DLGAP5: variants seen among roughly 807,000 people sequenced by gnomAD.
DLGAP5 encodes disks large-associated protein 5.
In DLGAP5, 90 loss-of-function variants were observed where a neutral mutation model predicts 99.6. The ratio of observed to expected loss-of-function variants is 0.90; its 90% CI spans 0.76 to 1.08. DLGAP5 has a LOEUF of 1.08. Ranked by LOEUF, DLGAP5 falls within the 50% of genes least tolerant of loss-of-function variation. The probability of loss-of-function intolerance (pLI) is 0.00; values close to 1 mark genes in which losing one functional copy is unlikely to be tolerated. For missense variants in DLGAP5, 1,036 were observed against 983.5 expected (o/e 1.05, Z -0.71); for synonymous variants, 311 against 321.3 (o/e 0.97, Z 0.34).
Position 55,151,957 on chromosome 14 carries a change from G to A in DLGAP5, c.2122-16C>T. The A allele has an allele frequency of 6.3e-7, 1 of 1,596,740 alleles. No individual in the cohort carries two copies. Among genetic ancestry groups the A allele is most frequent in the Non-Finnish European group, 8.5e-7 (1 of 1,172,914 alleles). On this transcript the variant is annotated splice_polypyrimidine_tract_variant and intron_variant, in intron 16 of 18. Transcript: ENST00000247191. ...TATTTACAACCTGGAAGTAAAAATG[G>A]CATTATATTTAATTATCAATTTAAT...
At position 55,179,681 on chromosome 14, in the gene DLGAP5, T is replaced by C; in HGVS notation, c.722A>G (p.Lys241Arg). ...RAANENEPEG[K>R]VPSKGRPAKN... ...GGCAGGTCTTCCTTTACTTGGCACC[T>C]TTCCTTCTGGTTCGTTTTCTAAAAC... is the stretch of plus-strand genomic sequence containing the variant. Residue 241 changes from lysine (K) to arginine (R), a missense_variant, in exon 7 of 19, where the codon AAG becomes AGG. Transcript: ENST00000247191. 6.2e-7 allele frequency: 1 copy of C among 1,611,426 alleles called. No individual in the cohort carries two copies. The highest frequency in any genetic ancestry group is 8.5e-7 in the Non-Finnish European group (1 of 1,178,944).
intron 6 of DLGAP5, among the ~76,000 whole-genome samples, chr14:55,180,452 C>T (rs1478225475): frequency 6.6e-6 from 1 of 152,186 alleles, no homozygotes; most frequent in Non-Finnish European, 1.5e-5. Flanking sequence ...TGAAACACTG[C>T]TTATACTAAT....
At chr14:55,168,316 C>T (rs1882716209) in intron 12 of DLGAP5, among the ~76,000 whole-genome samples, 1 of 152,138 alleles carries the variant, frequency 6.6e-6, no homozygotes, top group Admixed American at 6.6e-5. Flanking sequence ...TATTGCTTAA[C>T]TTCAAAGAGC....
chr14:55,178,106 T>C (rs28408795), intron 7 of DLGAP5, among the ~76,000 whole-genome samples: 12,390 of 150,814 alleles, frequency 0.082, 1,367 homozygotes, highest in African/African-American at 0.25. Context: ...CAAAAAATTA[T>C]TGGGGCGTGG....
intron 7 of DLGAP5, among the ~76,000 whole-genome samples, chr14:55,178,919 C>T (rs543527662): frequency 7.2e-5 from 11 of 152,112 alleles, no homozygotes; most frequent in African/African-American, 1.4e-4. Context: ...TGGTGGTGCA[C>T]GTCTGTAATC....
intron 7 of DLGAP5, among the ~76,000 whole-genome samples, chr14:55,179,171 GTTTAT>G (rs1883190239): frequency 6.6e-6 from 1 of 152,138 alleles, no homozygotes; most frequent in Non-Finnish European, 1.5e-5. Flanking sequence ...AGAAATTTTA[GTTTAT>G]TTAATTCTTA....
At chr14:55,190,289 T>TACACACACACACACACACAC (rs142940996) in intron 1 of DLGAP5, among the ~76,000 whole-genome samples, 111 of 147,414 alleles carry the variant, frequency 7.5e-4, no homozygotes, top group African/African-American at 2.6e-3. Flanking sequence ...AGAAAAGCCA[T>TACACACACACACACACACAC]ACACACACAC....
intron 4 of DLGAP5, among the ~76,000 whole-genome samples, 177 bp downstream of exon 4, chr14:55,182,193 C>T (rs150062273): frequency 0.016 from 2,393 of 152,256 alleles, 38 homozygotes; most frequent in Non-Finnish European, 0.022. Context: ...AATGTTGGAG[C>T]AAATATTTTA....
At chr14:55,165,497 T>C (rs1233614704) in intron 12 of DLGAP5, among the ~76,000 whole-genome samples, 1 of 151,346 alleles carries the variant, frequency 6.6e-6, no homozygotes, top group Non-Finnish European at 1.5e-5. Flanking sequence ...CACTCCAGCC[T>C]GGGTTGACAG....
chr14:55,150,713 A>T, intron 18 of DLGAP5, 86 bp downstream of exon 18: 3 of 1,030,822 alleles, frequency 2.9e-6, no homozygotes, highest in Non-Finnish European at 4.2e-6. Context: ...TATACATTTT[A>T]AGCCTTGTAC....
intron 14 of DLGAP5, among the ~76,000 whole-genome samples, 176 bp from the exon 15 acceptor site, chr14:55,154,982 G>A (rs576359074): frequency 6.6e-6 from 1 of 152,128 alleles, no homozygotes; most frequent in African/African-American, 2.4e-5. Context: ...ATTAGATGCT[G>A]CTTCCTTTTG....
chr14:55,174,879 T>A (rs1452729858), intron 10 of DLGAP5, among the ~76,000 whole-genome samples: 2 of 152,098 alleles, frequency 1.3e-5, no homozygotes, highest in Admixed American at 1.3e-4. Context: ...TTAGTAGAGA[T>A]GGGGTTTCAC....
chr14:55,148,530 A>T (rs1881901990), intron 18 of DLGAP5, 57 bp from the exon 19 acceptor site: 2 of 1,612,226 alleles, frequency 1.2e-6, no homozygotes. Context: ...TCACCAATTA[A>T]TTCTTCAACA....
At chr14:55,186,235 C>A (rs755993001) in intron 2 of DLGAP5, among the ~76,000 whole-genome samples, 9 of 152,186 alleles carry the variant, frequency 5.9e-5, no homozygotes, top group Non-Finnish European at 1.2e-4. Context: ...CGTGCCATTG[C>A]ACTCCAGCCT....
intron 18 of DLGAP5, among the ~76,000 whole-genome samples, chr14:55,148,846 GAAT>G (rs1243294209): frequency 6.6e-6 from 1 of 151,986 alleles, no homozygotes; most frequent in Admixed American, 6.6e-5. Context: ...ACAAAAATGT[GAAT>G]AATATGTAAA....
At chr14:55,178,541 C>A (rs1312965817) in intron 7 of DLGAP5, among the ~76,000 whole-genome samples, 1 of 152,166 alleles carries the variant, frequency 6.6e-6, no homozygotes, top group Non-Finnish European at 1.5e-5. Flanking sequence ...TCAACCTGGA[C>A]AAGAGTTTAA....
At chr14:55,164,487 C>CA (rs1234691127) in intron 12 of DLGAP5, among the ~76,000 whole-genome samples, 1 of 152,086 alleles carries the variant, frequency 6.6e-6, no homozygotes, top group Non-Finnish European at 1.5e-5. Flanking sequence ...ATACCATACA[C>CA]AAAAACTAAC....
At chr14:55,186,194 C>G (rs915922772) in intron 2 of DLGAP5, among the ~76,000 whole-genome samples, 1 of 152,136 alleles carries the variant, frequency 6.6e-6, no homozygotes, top group Non-Finnish European at 1.5e-5. Flanking sequence ...TCACTTGAAC[C>G]CGGGAGGCAG....
At chr14:55,168,035 T>C (rs920451916) in intron 12 of DLGAP5, among the ~76,000 whole-genome samples, 4 of 152,196 alleles carry the variant, frequency 2.6e-5, no homozygotes, top group Non-Finnish European at 5.9e-5. Flanking sequence ...TTTGGCTATA[T>C]TTCCTGGACT....
Sources: gnomAD v4.1 joint callset for allele counts (sites outside exome capture counted in the v4.1 genomes callset) on GRCh38, gnomAD v4.1.1 for gene constraint, MANE v1.5 for transcripts, NCBI Gene and HGNC (gene_info 2026-07-23, HGNC 2026-07-21) for gene names.